Variants in TNFSF13 observed in about 807,000 individuals in gnomAD.
TNFSF13 encodes tumor necrosis factor ligand superfamily member 13.
TNFSF13 carries 18 observed loss-of-function variants against 30.7 expected under a neutral mutation model. That is an observed-to-expected ratio of 0.59 (90% confidence interval 0.41 to 0.87). The LOEUF is 0.87. TNFSF13 is among the 40% of genes least tolerant of loss of function. TNFSF13 has a pLI of 0.00. For missense variants in TNFSF13, 286 were observed against 308.8 expected (o/e 0.93, Z 0.55); for synonymous variants, 116 against 123.2 (o/e 0.94, Z 0.39).
chr17:7,559,837 T>C lies in TNFSF13; in HGVS notation c.338-9T>C, dbSNP rs1414056609. On this transcript the variant is annotated splice_polypyrimidine_tract_variant and intron_variant, in intron 2 of 5. Coordinates refer to ENST00000338784, the MANE Select transcript of TNFSF13 (RefSeq NM_003808.4). This position sits in a 1 kb window ranked among gnomAD's most constrained non-coding sequence, Gnocchi z 5.4. The stretch of plus-strand genomic sequence containing the variant: ...GGATGCGGCTGAGATTCCCTCCTTC[T>C]CTCCTCAGAGCAGCACTCTGTCCTG... 7 of 1,613,808 alleles carry C rather than the reference T, an allele frequency of 4.3e-6. No homozygotes were observed. Among genetic ancestry groups the C allele is most frequent in the Non-Finnish European group, 5.9e-6 (7 of 1,179,962 alleles).
At position 7,560,385 on chromosome 17, in the gene TNFSF13, G is replaced by A. The variant is rs1466162431; in HGVS notation, c.540G>A (p.Gln180=). ...LFQDVTFTMG[Q]VVSREGQGRQ... is the part of the protein sequence containing the mutation. ...AAGACGTGACTTTCACCATGGGTCA[G>A]GTGGTGTCTCGAGAAGGCCAAGGAA... Residue 180 remains glutamine, a synonymous_variant, in exon 5 of 6, where the codon CAG becomes CAA. Coordinates refer to ENST00000338784, the MANE Select transcript of TNFSF13 (RefSeq NM_003808.4). The A allele has an allele frequency of 6.2e-7, 1 of 1,614,062 alleles. No homozygotes were observed. The highest frequency in any genetic ancestry group is 8.5e-7 in the Non-Finnish European group (1 of 1,180,040).
In TNFSF13 at chr17:7,559,298, G is replaced by C; in HGVS notation, c.258+1G>C. 1 of 1,597,802 alleles carries C rather than the reference G, an allele frequency of 6.3e-7. No individual in the cohort carries two copies. On this transcript the variant is annotated splice_donor_variant, in intron 1 of 5. Transcript: ENST00000338784. LOFTEE classifies it high-confidence loss of function. The surrounding 1 kb of genome is among the most constrained non-coding windows in gnomAD (Gnocchi z 5.4). The stretch of plus-strand genomic sequence containing the variant: ...TCCCTGGCAGAGTCTCCCGGAGCAG[G>C]TGAGTGAGGGGAGGAGGGTGTCTGG...
Position 7,560,705 on chromosome 17 carries a change from A to G in TNFSF13, c.644-19A>G, listed in dbSNP as rs748705800. 5.5e-5 allele frequency: 88 copies of G among 1,613,956 alleles called. No individual in the cohort carries two copies. Among genetic ancestry groups the G allele is most frequent in the Non-Finnish European group, 7.4e-5 (87 of 1,180,024 alleles). ...GATGGCTGTGCTTCACTGCGAATCT[A>G]CTTTCTCTCTTTTCTCAGGTGTCTT... On this transcript the variant is annotated intron_variant, in intron 5 of 5. Transcript: ENST00000338784.
In TNFSF13 at chr17:7,559,142, TG is replaced by T; in HGVS notation, c.109del (p.Ala37GlnfsTer13). Reference sequence around the variant, plus strand: ...ACTCTCAGTTGCCCTCTGGTTGAGTTGGGGGGCAGCTCTGGGGGCCGTGGCT... The same window carrying T: ...ACTCTCAGTTGCCCTCTGGTTGAGTTGGGGGCAGCTCTGGGGGCCGTGGCT... ...PALSVALWLS[W>X]GAALGAVACA... On this transcript the variant is annotated frameshift_variant, in exon 1 of 6. Coordinates refer to ENST00000338784, the MANE Select transcript of TNFSF13 (RefSeq NM_003808.4). LOFTEE classifies it high-confidence loss of function. This position sits in a 1 kb window ranked among gnomAD's most constrained non-coding sequence, Gnocchi z 5.4. 2 of 1,610,702 alleles carry T rather than the reference TG, an allele frequency of 1.2e-6. No individual in the cohort carries two copies. The highest frequency in any genetic ancestry group is 1.7e-6 in the Non-Finnish European group (2 of 1,177,600).
In TNFSF13 at chr17:7,560,459, A is replaced by T. The variant is rs141602266; in HGVS notation, c.614A>T (p.Asp205Val). ...ATAAGAAGTATGCCCTCCCACCCGGACCGGGCCTACAACAGCTGCTATAGC... is the reference window on the plus strand; with the variant it reads ...ATAAGAAGTATGCCCTCCCACCCGGTCCGGGCCTACAACAGCTGCTATAGC... ...RCIRSMPSHP[D>V]RAYNSCYSAG... Residue 205 changes from aspartate (D) to valine (V), a missense_variant, in exon 5 of 6, where the codon GAC becomes GTC. Coordinates refer to ENST00000338784, the MANE Select transcript of TNFSF13 (RefSeq NM_003808.4). 3.1e-6 allele frequency: 5 copies of T among 1,614,166 alleles called. No individual in the cohort carries two copies. The East Asian group carries it at 1.1e-4, about 36-fold the overall frequency.
Position 7,559,077 on chromosome 17 carries a change from G to A in TNFSF13, c.38G>A (p.Gly13Glu). The change falls in exon 1 of 6, where the codon GGG becomes GAG. Residue 13 changes from glycine to glutamate, a missense_variant. Transcript: ENST00000338784. The surrounding 1 kb of genome is among the most constrained non-coding windows in gnomAD (Gnocchi z 5.4). ...ASSPFLLAPK[G>E]PPGNMGGPVR... ...TCTCCTTTCTTGCTAGCCCCCAAAG[G>A]GCCTCCAGGCAACATGGGGGGCCCA... The A allele has an allele frequency of 6.3e-7, 1 of 1,579,428 alleles. No homozygotes were observed. The highest frequency in any genetic ancestry group is 1.1e-5 in the South Asian group (1 of 88,082).
Position 7,559,880 on chromosome 17 carries a change from C to T in TNFSF13, c.372C>T (p.Asn124=), listed in dbSNP as rs138604224. Residue 124 remains asparagine (N), a synonymous_variant, in exon 3 of 6, where the codon AAC becomes AAT. Transcript: ENST00000338784. The surrounding 1 kb of genome is among the most constrained non-coding windows in gnomAD (Gnocchi z 5.4). ...QHSVLHLVPI[N]ATSKDDSDVT... is the part of the protein sequence containing the mutation. ...CTGTCCTGCACCTGGTTCCCATTAA[C>T]GCCACCTCCAAGGGTGAGCACTATT... 291 of 1,614,120 alleles carry T rather than the reference C, an allele frequency of 1.8e-4. 1 individual carries two copies. In the East Asian group the frequency reaches 5.6e-3, roughly 31 times the overall value.
rs377760309 is a variant in TNFSF13 at position 7,561,035 on chromosome 17, T to A, written c.*202T>A. The A allele has an allele frequency of 6.2e-7, 1 of 1,614,012 alleles. No homozygotes were observed. Among genetic ancestry groups the A allele is most frequent in the Admixed American group, 1.7e-5 (1 of 59,998 alleles). Reference sequence around the variant, plus strand: ...ACGGATATCTTGCTTCTGTTCCCCATGGAGCTCCGAATTCTTGCGTGTGTG... The same window carrying A: ...ACGGATATCTTGCTTCTGTTCCCCAAGGAGCTCCGAATTCTTGCGTGTGTG... On this transcript the variant is annotated 3_prime_UTR_variant, in exon 6 of 6. Coordinates refer to ENST00000338784, the MANE Select transcript of TNFSF13 (RefSeq NM_003808.4). This position sits in a 1 kb window ranked among gnomAD's most constrained non-coding sequence, Gnocchi z 4.4.
chr17:7,560,192 TCA>T, intron 4 of TNFSF13, 25 bp downstream of exon 4: 2 of 1,613,786 alleles, frequency 1.2e-6, no homozygotes, highest in South Asian at 2.2e-5. Flanking sequence ...ACTCTGAGCT[TCA>T]CAGAGGGCCT....
chr17:7,559,730 G>A lies in TNFSF13; in HGVS notation c.337+28G>A. 2 of 1,613,888 alleles carry A rather than the reference G, an allele frequency of 1.2e-6. No homozygotes were observed. Among genetic ancestry groups the A allele is most frequent in the Non-Finnish European group, 1.7e-6 (2 of 1,179,934 alleles). On this transcript the variant is annotated intron_variant, in intron 2 of 5. Coordinates refer to ENST00000338784, the MANE Select transcript of TNFSF13 (RefSeq NM_003808.4). This position sits in a 1 kb window ranked among gnomAD's most constrained non-coding sequence, Gnocchi z 5.4. ...GAGGCTTCCAGGGTGCAGCAGGGGT[G>A]GGAGGTGATCAAGCAGCGTGGGGAT...
rs116376010 is a variant in TNFSF13, at chr17:7,559,531, C to G, written c.259-93C>G. ...TGCTGGGAAAAGGTGCGTGAGAGAT[C>G]TGAGGCATCTCGGGGGCAGGGGAGG... On this transcript the variant is annotated intron_variant, in intron 1 of 5. Coordinates refer to ENST00000338784, the MANE Select transcript of TNFSF13 (RefSeq NM_003808.4). This position sits in a 1 kb window ranked among gnomAD's most constrained non-coding sequence, Gnocchi z 5.4. 2 of 1,507,848 alleles carry G rather than the reference C, an allele frequency of 1.3e-6. No homozygotes were observed. Among genetic ancestry groups the G allele is most frequent in the African/African-American group, 2.7e-5 (2 of 73,070 alleles). The allele number at this position is 1,507,848 out of a possible 1,614,324, so 93.4% of individuals were successfully genotyped here.
rs2071143387 is a variant in TNFSF13 at position 7,559,678 on chromosome 17, G to A, written c.313G>A (p.Ala105Thr). Residue 105 changes from alanine (A) to threonine (T), a missense_variant, in exon 2 of 6, where the codon GCA (alanine) becomes ACA (threonine). By Grantham distance (58) the Ala-to-Thr change is moderately conservative. Transcript: ENST00000338784. The surrounding 1 kb of genome is among the most constrained non-coding windows in gnomAD (Gnocchi z 5.4). Reference protein sequence around the residue: ...ENGERSRKRRAVLTQKQKKQH... With the variant: ...ENGERSRKRRTVLTQKQKKQH... Reference sequence around the variant, plus strand: ...TGGGGAGAGATCCCGGAAAAGGAGAGCAGTGCTCACCCAAAAACAGAAGAG... The same window carrying A: ...TGGGGAGAGATCCCGGAAAAGGAGAACAGTGCTCACCCAAAAACAGAAGAG... 1 of 1,613,874 alleles carries A rather than the reference G, an allele frequency of 6.2e-7. No homozygotes were observed. The highest frequency in any genetic ancestry group is 8.5e-7 in the Non-Finnish European group (1 of 1,179,952).
intron 5 of TNFSF13, 32 bp downstream of exon 5, chr17:7,560,520 CGTCTCT>C: frequency 6.2e-7 from 1 of 1,613,412 alleles, no homozygotes; most frequent in South Asian, 1.1e-5. Context: ...GAAAGCAGGA[CGTCTCT>C]GACCGGGGGT....
Position 7,560,818 on chromosome 17 carries a change from G to A in TNFSF13, c.738G>A (p.Gly246=). 6.2e-7 allele frequency: 1 copy of A among 1,614,076 alleles called. No individual in the cohort carries two copies. The highest frequency in any genetic ancestry group is 1.1e-5 in the South Asian group (1 of 91,080). Residue 246 remains glycine, a synonymous_variant, in exon 6 of 6, where the codon GGG becomes GGA. Coordinates refer to ENST00000338784, the MANE Select transcript of TNFSF13 (RefSeq NM_003808.4). The part of the protein sequence containing the change: ...LNLSPHGTFL[G]FVKL ...TCTCTCCACATGGAACCTTCCTGGGGTTTGTGAAACTGTGATTGTGTTATA... is the reference window on the plus strand; with the variant it reads ...TCTCTCCACATGGAACCTTCCTGGGATTTGTGAAACTGTGATTGTGTTATA...
rs2071118492 is a variant in TNFSF13, at chr17:7,558,961, T to G, written c.-79T>G. ...ACAACCTTCTTCCCTTCTGCACCAC[T>G]GCCCGTACCCTTACCCGCCCCGCCA... On this transcript the variant is annotated 5_prime_UTR_variant, in exon 1 of 6. Transcript: ENST00000338784. This position sits in a 1 kb window ranked among gnomAD's most constrained non-coding sequence, Gnocchi z 4.3. 4.2e-6 allele frequency: 6 copies of G among 1,437,990 alleles called. No homozygotes were observed. Among genetic ancestry groups the G allele is most frequent in the Non-Finnish European group, 5.5e-6 (6 of 1,085,090 alleles). The allele number at this position is 1,437,990 out of a possible 1,614,324, so 89.1% of individuals were successfully genotyped here.
chr17:7,560,910 T>A lies in TNFSF13; in HGVS notation c.*77T>A. On this transcript the variant is annotated 3_prime_UTR_variant, in exon 6 of 6. Transcript: ENST00000338784. ...TGGAGACAGCCAAGAGCTGAGTATA[T>A]AAAGGAGAGGGAATGTGCAGGAACA... 1 of 1,614,102 alleles carries A rather than the reference T, an allele frequency of 6.2e-7. No individual in the cohort carries two copies.
upstream of TNFSF13, chr17:7,558,712 G>A: frequency 5.4e-6 from 1 of 185,958 alleles, no homozygotes; most frequent in Non-Finnish European, 1.1e-5. This position sits in a 1 kb window ranked among gnomAD's most constrained non-coding sequence, Gnocchi z 4.3. Flanking sequence ...CCCTGGGGCC[G>A]CCCCAGGGTT....
Position 7,559,292 on chromosome 17 carries a change from G to A in TNFSF13, c.253G>A (p.Glu85Lys). Residue 85 changes from glutamate (E) to lysine (K), a missense_variant, in exon 1 of 6, where the codon GAG (glutamate) becomes AAG (lysine). Transcript: ENST00000338784. This position sits in a 1 kb window ranked among gnomAD's most constrained non-coding sequence, Gnocchi z 5.4. ...GEGYPWQSLP[E>K]QSSDALEAWE... The stretch of plus-strand genomic sequence containing the variant: ...AGGGTATCCCTGGCAGAGTCTCCCG[G>A]AGCAGGTGAGTGAGGGGAGGAGGGT... The A allele has an allele frequency of 6.2e-7, 1 of 1,600,878 alleles. No individual in the cohort carries two copies. Among genetic ancestry groups the A allele is most frequent in the Non-Finnish European group, 8.5e-7 (1 of 1,173,300 alleles).
chr17:7,559,490 G>A lies in TNFSF13; in HGVS notation c.259-134G>A. 1 of 1,387,178 alleles carries A rather than the reference G, an allele frequency of 7.2e-7. No individual in the cohort carries two copies. The highest frequency in any genetic ancestry group is 9.7e-7 in the Non-Finnish European group (1 of 1,029,154). 85.9% of individuals were successfully genotyped at this position (1,387,178 alleles called of 1,614,324 possible). Reference sequence around the variant, plus strand: ...CCTAACAAATCCTGGAGGGCAGCCAGCACCAACACTCAGGGTGCTGGGAAA... The same window carrying A: ...CCTAACAAATCCTGGAGGGCAGCCAACACCAACACTCAGGGTGCTGGGAAA... On this transcript the variant is annotated intron_variant, in intron 1 of 5. Coordinates refer to ENST00000338784, the MANE Select transcript of TNFSF13 (RefSeq NM_003808.4). The surrounding 1 kb of genome is among the most constrained non-coding windows in gnomAD (Gnocchi z 5.4).
Sources: allele counts gnomAD v4.1 joint callset, GRCh38; gene constraint gnomAD v4.1.1; non-coding constraint Gnocchi (gnomAD v3.1); transcripts MANE v1.5; gene names NCBI Gene and HGNC (gene_info 2026-07-23, HGNC 2026-07-21).